ALDH16A1: variants seen among roughly 807,000 people sequenced by gnomAD.
The protein encoded by ALDH16A1 is aldehyde dehydrogenase family 16 member A1.
Under a neutral mutation model 96.1 loss-of-function variants are expected in ALDH16A1, and 88 were observed. That is an observed-to-expected ratio of 0.92 (90% CI 0.77 to 1.09). ALDH16A1 has a LOEUF of 1.09. Among genes scored for constraint, ALDH16A1 ranks in the 50% least tolerant of loss-of-function variants. The pLI is 0.00. For synonymous variants in ALDH16A1, 522 were observed against 496.4 expected (o/e 1.05, Z -0.69); for missense variants, 1,250 against 1,112.6 (o/e 1.12, Z -1.76).
At chr19:49,460,714 A>ATTTTT (rs35639941) in intron 4 of ALDH16A1, 108 bp from the exon 5 acceptor site, 12 of 652,994 alleles carry the variant, frequency 1.8e-5, no homozygotes, top group Admixed American at 5.6e-5. Flanking sequence ...ACACCCGGCC[A>ATTTTT]TTTTTTTTTT....
Position 49,466,133 on chromosome 19 carries a change from G to A in ALDH16A1, c.1788G>A (p.Ala596=), listed in dbSNP as rs113016464. 5.5e-4 allele frequency: 854 copies of A among 1,555,988 alleles called. 4 individuals are homozygous for A. The African/African-American group carries it at 0.01, about 19-fold the overall frequency. Residue 596 remains alanine (A), a synonymous_variant, in exon 14 of 17, where the codon GCG becomes GCA. Transcript: ENST00000293350. ...GARAALLWAL[A]AALERRKSTL... ...GGGCAGCCCTGCTGTGGGCCCTGGC[G>A]GCTGCACTGGAGCGCCGGAAGTCTA...
chr19:49,462,513 A>G, intron 7 of ALDH16A1, 57 bp from the exon 8 acceptor site: 1 of 1,569,454 alleles, frequency 6.4e-7, no homozygotes, highest in African/African-American at 1.4e-5. Flanking sequence ...CACTCTTCAG[A>G]TCACCAACTT....
In ALDH16A1 at chr19:49,453,385, G is replaced by A. The variant is rs1319043198; in HGVS notation, c.54G>A (p.Glu18=). 10 of 1,564,854 alleles carry A rather than the reference G, an allele frequency of 6.4e-6. No homozygotes were observed. The highest frequency in any genetic ancestry group is 8.6e-6 in the Non-Finnish European group (10 of 1,157,548). Residue 18 remains glutamate (E), a synonymous_variant, in exon 1 of 17, where the codon GAG becomes GAA. Coordinates refer to ENST00000293350, the MANE Select transcript of ALDH16A1 (RefSeq NM_153329.4). ...CCCGCGAGATCTTCACCTCGCTGGA[G>A]TACGGACCGGTGCCGGAGAGCCACG... ...PRAREIFTSL[E]YGPVPESHAC... is the part of the protein sequence containing the mutation.
In ALDH16A1 at chr19:49,462,183, G is replaced by A. The variant is rs916298372; in HGVS notation, c.912+147G>A. ...GTTTCACTCTTGTCGCCCAGGCTGG[G>A]GTGCAGCGGCGCGATTTTGGCTCAC... On this transcript the variant is annotated intron_variant, in intron 7 of 16. Coordinates refer to ENST00000293350, the MANE Select transcript of ALDH16A1 (RefSeq NM_153329.4). 4.1e-5 allele frequency: 52 copies of A among 1,257,486 alleles called. No homozygotes were observed. In the South Asian group the frequency reaches 6.3e-4, roughly 15 times the overall value. 77.9% of individuals were successfully genotyped at this position (1,257,486 alleles called of 1,614,324 possible).
chr19:49,461,870 G>T lies in ALDH16A1; in HGVS notation c.760-14G>T. On this transcript the variant is annotated splice_polypyrimidine_tract_variant and intron_variant, in intron 6 of 16. Transcript: ENST00000293350. ...CAAGGCTCCTCCTGCGGCTGAACTG[G>T]GGGGGGTCCCTAGGAAGGGCGTGCC... 2 of 1,587,488 alleles carry T rather than the reference G, an allele frequency of 1.3e-6. No individual in the cohort carries two copies. Among genetic ancestry groups the T allele is most frequent in the Admixed American group, 3.6e-5 (2 of 56,278 alleles).
intron 9 of ALDH16A1, 80 bp from the exon 10 acceptor site, chr19:49,464,047 G>A (rs1248943141): frequency 1.6e-5 from 26 of 1,577,806 alleles, no homozygotes; most frequent in East Asian, 4.5e-5. Flanking sequence ...TGACCTGGGC[G>A]TGGGGGCTGC....
chr19:49,470,643 T>TTTTTA lies in ALDH16A1; in HGVS notation c.*180_*181insATTTT. ...AGCAACTTCTGGCAGATATGAGGCTTTTTTCTTTTTTTTTTTTTTTTTTGA... is the reference window on the plus strand; with the variant it reads ...AGCAACTTCTGGCAGATATGAGGCTTTTTTATTTTCTTTTTTTTTTTTTTTTTTGA... On this transcript the variant is annotated 3_prime_UTR_variant, in exon 17 of 17. Transcript: ENST00000293350. The TTTTTA allele has an allele frequency of 1.8e-6, 1 of 558,490 alleles. No individual in the cohort carries two copies. The highest frequency in any genetic ancestry group is 2.7e-6 in the Non-Finnish European group (1 of 375,474). The allele number at this position is 558,490 out of a possible 1,614,324, so 34.6% of individuals were successfully genotyped here.
At chr19:49,460,997 C>A in intron 5 of ALDH16A1, 98 bp downstream of exon 5, 1 of 1,328,196 alleles carries the variant, frequency 7.5e-7, no homozygotes, top group Non-Finnish European at 1.1e-6. Flanking sequence ...GGGCTGGAGG[C>A]CTGGACTCTG....
rs1003639991 is a variant in ALDH16A1, at chr19:49,463,786, G to A, written c.1099-68G>A. ...CTGGGTCTGAGGGAGGAGGGGCTGG[G>A]GTCCTGCAGTCCTCGGTCTCAGCAG... On this transcript the variant is annotated intron_variant, in intron 8 of 16. Coordinates refer to ENST00000293350, the MANE Select transcript of ALDH16A1 (RefSeq NM_153329.4). The A allele has an allele frequency of 4.2e-6, 6 of 1,438,678 alleles. 1 individual carries two copies. Among genetic ancestry groups the A allele is most frequent in the African/African-American group, 2.8e-5 (2 of 70,936 alleles). 89.1% of individuals were successfully genotyped at this position (1,438,678 alleles called of 1,614,324 possible).
Position 49,466,143 on chromosome 19 carries a change from G to A in ALDH16A1, c.1798G>A (p.Glu600Lys). 1 of 1,558,132 alleles carries A rather than the reference G, an allele frequency of 6.4e-7. No homozygotes were observed. The highest frequency in any genetic ancestry group is 8.7e-7 in the Non-Finnish European group (1 of 1,153,910). ...GCTGTGGGCCCTGGCGGCTGCACTG[G>A]AGCGCCGGAAGTCTACCCTGGCCTC... ...ALLWALAAALERRKSTLASRL... is the reference protein window; with the variant it reads ...ALLWALAAALKRRKSTLASRL... The change falls in exon 14 of 17, where the codon GAG (glutamate) becomes AAG (lysine). Residue 600 changes from glutamate (E) to lysine (K), a missense_variant. Transcript: ENST00000293350.
In ALDH16A1 at chr19:49,459,463, G is replaced by A. The variant is rs574728800; in HGVS notation, c.321-207G>A. Among the ~76,000 whole-genome samples the A allele has an allele frequency of 5.9e-5, 9 of 152,254 alleles. No homozygotes were observed. Among genetic ancestry groups the A allele is most frequent in the South Asian group, 2.1e-4 (1 of 4,816 alleles). ...TTTCCCAAAAGCTTCAGGGATTTCC[G>A]GCGGCCAAGACCTTTACACAGCATC... On this transcript the variant is annotated intron_variant, in intron 3 of 16. Coordinates refer to ENST00000293350, the MANE Select transcript of ALDH16A1 (RefSeq NM_153329.4). This position sits in a 1 kb window ranked among gnomAD's most constrained non-coding sequence, Gnocchi z 4.1.
Position 49,459,932 on chromosome 19 carries a change from C to T in ALDH16A1, c.499+84C>T, listed in dbSNP as rs550205368. The T allele has an allele frequency of 1.3e-4, 183 of 1,463,758 alleles. 2 individuals carry two copies. The East Asian group carries it at 4.4e-3, about 35-fold the overall frequency. The allele number at this position is 1,463,758 out of a possible 1,614,324, so 90.7% of individuals were successfully genotyped here. A position where few individuals can be genotyped will look rare whatever the true frequency, so the allele number is the denominator to read the frequency against. On this transcript the variant is annotated intron_variant, in intron 4 of 16. Transcript: ENST00000293350. This position sits in a 1 kb window ranked among gnomAD's most constrained non-coding sequence, Gnocchi z 4.1. ...GTCCCCTCATTCTTTTTCTTTTAGA[C>T]AGAGTTTCGCTCTTGTCGCCCAGGC...
intron 7 of ALDH16A1, 119 bp from the exon 8 acceptor site, chr19:49,462,451 C>G (rs2079158392): frequency 7.9e-7 from 1 of 1,269,532 alleles, no homozygotes; most frequent in Non-Finnish European, 1.1e-6. Flanking sequence ...TTCTTTAGGA[C>G]TCTGTTGATT....
Position 49,468,529 on chromosome 19 carries a change from G to T in ALDH16A1, c.2087G>T (p.Ser696Ile). The T allele has an allele frequency of 3.1e-6, 5 of 1,604,688 alleles. No homozygotes were observed. The highest frequency in any genetic ancestry group is 4.2e-6 in the Non-Finnish European group (5 of 1,179,924). ...AYGNTVVMVP[S>I]AACPLLALEV... ...GGCAACACTGTGGTCATGGTGCCCAGTGCGGCCTGTCCTCTGCTGGCCCTG... is the reference window on the plus strand; with the variant it reads ...GGCAACACTGTGGTCATGGTGCCCATTGCGGCCTGTCCTCTGCTGGCCCTG... Residue 696 changes from serine to isoleucine, a missense_variant, in exon 15 of 17, where the codon AGT becomes ATT. Coordinates refer to ENST00000293350, the MANE Select transcript of ALDH16A1 (RefSeq NM_153329.4). The surrounding 1 kb of genome is among the most constrained non-coding windows in gnomAD (Gnocchi z 4.4).
In ALDH16A1 at chr19:49,461,950, G is replaced by A. The variant is rs932926863; in HGVS notation, c.826G>A (p.Glu276Lys). 6 of 1,569,856 alleles carry A rather than the reference G, an allele frequency of 3.8e-6. No individual in the cohort carries two copies. Among genetic ancestry groups the A allele is most frequent in the Non-Finnish European group, 5.2e-6 (6 of 1,160,004 alleles). The change falls in exon 7 of 17, where the codon GAG becomes AAG. Residue 276 changes from glutamate (E) to lysine (K), a missense_variant. Glu to Lys is a moderately conservative substitution (Grantham distance 56, BLOSUM62 1). Transcript: ENST00000293350. The part of the protein sequence containing the change: ...CAELGLALGT[E>K]SLLLLTDTAD... ...GGAGCTGGGCCTGGCGCTGGGGACG[G>A]AGTCGCTGCTGCTGCTGACGGACAC...
At chr19:49,458,839 C>T in intron 2 of ALDH16A1, 121 bp from the exon 3 acceptor site, 1 of 1,394,882 alleles carries the variant, frequency 7.2e-7, no homozygotes, top group Non-Finnish European at 9.8e-7. Flanking sequence ...AGCCGTGACC[C>T]AGCAGAGAAT....
chr19:49,470,431 G>C lies in ALDH16A1; in HGVS notation c.2373G>C (p.Ala791=). The C allele has an allele frequency of 6.2e-7, 1 of 1,602,378 alleles. No homozygotes were observed. Among genetic ancestry groups the C allele is most frequent in the South Asian group, 1.1e-5 (1 of 90,198 alleles). ...GAGPELGLRV[A]RTKALWLPMG... ...GCCCAGAGCTGGGGCTGCGAGTGGC[G>C]CGGACCAAGGCCCTGTGGCTGCCTA... The change falls in exon 17 of 17, where the codon GCG becomes GCC. Residue 791 remains alanine (A), a synonymous_variant. Transcript: ENST00000293350.
In ALDH16A1 at chr19:49,470,433, G is replaced by C. The variant is rs200362945; in HGVS notation, c.2375G>C (p.Arg792Pro). The C allele has an allele frequency of 6.9e-6, 11 of 1,603,908 alleles. No homozygotes were observed. The highest frequency in any genetic ancestry group is 1.3e-5 in the African/African-American group (1 of 74,492). ...AGPELGLRVA[R>P]TKALWLPMGD is the part of the protein sequence containing the mutation. ...CCAGAGCTGGGGCTGCGAGTGGCGC[G>C]GACCAAGGCCCTGTGGCTGCCTATG... The change falls in exon 17 of 17, where the codon CGG becomes CCG. Residue 792 changes from arginine to proline, a missense_variant. By Grantham distance (103) the Arg-to-Pro change is moderately radical. Coordinates refer to ENST00000293350, the MANE Select transcript of ALDH16A1 (RefSeq NM_153329.4).
At position 49,462,556 on chromosome 19, in the gene ALDH16A1, C is replaced by T. The variant is rs773990152; in HGVS notation, c.913-14C>T. 6.2e-7 allele frequency: 1 copy of T among 1,610,970 alleles called. No homozygotes were observed. The highest frequency in any genetic ancestry group is 1.7e-5 in the Admixed American group (1 of 59,430). On this transcript the variant is annotated splice_polypyrimidine_tract_variant and intron_variant, in intron 7 of 16. Coordinates refer to ENST00000293350, the MANE Select transcript of ALDH16A1 (RefSeq NM_153329.4). Reference sequence around the variant, plus strand: ...TGCAATGGTGTGATCTCCTGATGCCCCTTTTCCTCACAGGGTGGCCTCAGG... The same window carrying T: ...TGCAATGGTGTGATCTCCTGATGCCTCTTTTCCTCACAGGGTGGCCTCAGG...
Sources: allele counts gnomAD v4.1 joint callset (sites outside exome capture counted in the v4.1 genomes callset), GRCh38; gene constraint gnomAD v4.1.1; non-coding constraint Gnocchi (gnomAD v3.1); transcripts MANE v1.5; gene names NCBI Gene and HGNC (gene_info 2026-07-23, HGNC 2026-07-21).